SYBU: variants seen among roughly 807,000 people sequenced by gnomAD.
SYBU encodes syntabulin, also known as GOLSYN A protein.
Under a neutral mutation model 35.9 loss-of-function variants are expected in SYBU, and 21 were observed. The observed-to-expected ratio is 0.58, with a 90% CI of 0.41 to 0.84. SYBU has a LOEUF of 0.84. Ranked by LOEUF, SYBU falls within the 40% of genes least tolerant of loss-of-function variation. The pLI is 0.00. For missense variants in SYBU, 768 were observed against 848.2 expected (o/e 0.91, Z 1.17); for synonymous variants, 319 against 324.3 (o/e 0.98, Z 0.18).
At chr8:109,622,431 C>T (rs938768456) in intron 2 of SYBU, among the ~76,000 whole-genome samples, 13 of 152,192 alleles carry the variant, frequency 8.5e-5, no homozygotes, top group African/African-American at 2.6e-4. Flanking sequence ...TGGGGTTTCT[C>T]CATGTTGGCC....
At chr8:109,591,716 G>A (rs968258717) in intron 3 of SYBU, among the ~76,000 whole-genome samples, 2 of 151,264 alleles carry the variant, frequency 1.3e-5, no homozygotes, top group African/African-American at 4.9e-5. Flanking sequence ...GTTTCACCGT[G>A]TTAGCCAGGA....
chr8:109,606,770 AT>A (rs1299908563), intron 3 of SYBU, among the ~76,000 whole-genome samples: 1 of 152,232 alleles, frequency 6.6e-6, no homozygotes, highest in African/African-American at 2.4e-5. Context: ...AAAGGGTGGT[AT>A]CTTTTCACTG....
Position 109,691,236 on chromosome 8 carries a change from C to A in SYBU, c.-58+97G>T. On this transcript the variant is annotated intron_variant, in intron 1 of 7. Transcript: ENST00000422135. The surrounding 1 kb of genome is among the most constrained non-coding windows in gnomAD (Gnocchi z 4.7). ...GAAAGGGTGGTCCTGGGGTCCGGAG[C>A]GCCCCATCACTGCCCTCATTGTACC... 1 of 679,078 alleles carries A rather than the reference C, an allele frequency of 1.5e-6. No homozygotes were observed. The highest frequency in any genetic ancestry group is 2.7e-6 in the Non-Finnish European group (1 of 373,668). 42.1% of individuals were successfully genotyped at this position (679,078 alleles called of 1,614,324 possible). A position where few individuals can be genotyped will look rare whatever the true frequency, so the allele number is the denominator to read the frequency against.
intron 2 of SYBU, among the ~76,000 whole-genome samples, chr8:109,628,281 A>G (rs7825702): frequency 0.35 from 52,879 of 151,866 alleles, 11,345 homozygotes; most frequent in African/African-American, 0.6. Flanking sequence ...GGCCAAGGTG[A>G]GAGGATAGCT....
intron 2 of SYBU, among the ~76,000 whole-genome samples, chr8:109,638,742 C>T (rs762214793): frequency 2.9e-4 from 44 of 152,112 alleles, no homozygotes; most frequent in Non-Finnish European, 5.7e-4. Context: ...AAGGTCATAG[C>T]GACCAAGACT....
At position 109,627,496 on chromosome 8, in the gene SYBU, AATT is replaced by A. The variant is rs1813118754; in HGVS notation, c.230-8460_230-8458del. ...GTACTTATCATGTGGCAAACACATT[AATT>A]ATTATCATATAATTTTAATAATATG... On this transcript the variant is annotated intron_variant, in intron 2 of 6. Coordinates refer to ENST00000276646, the MANE Select transcript of SYBU (RefSeq NM_001099754.2). Among the ~76,000 whole-genome samples the A allele has an allele frequency of 2.6e-5, 4 of 152,336 alleles. No homozygotes were observed. The South Asian group carries it at 8.3e-4, about 32-fold the overall frequency.
At chr8:109,630,299 G>C (rs1813468301) in intron 2 of SYBU, among the ~76,000 whole-genome samples, 1 of 147,492 alleles carries the variant, frequency 6.8e-6, no homozygotes, top group South Asian at 2.2e-4. Context: ...GGGAGGGATA[G>C]CATTGGGAGA....
upstream of SYBU, chr8:109,645,736 A>T (rs191468644): frequency 2.5e-5 from 5 of 197,702 alleles, no homozygotes; most frequent in Non-Finnish European, 4.2e-5. Context: ...AACTCCTGGG[A>T]TCAAGGGATC....
In SYBU at chr8:109,580,000, C is replaced by G. The variant is rs1450875106; in HGVS notation, c.533G>C (p.Arg178Pro). The G allele has an allele frequency of 6.2e-7, 1 of 1,612,330 alleles. No individual in the cohort carries two copies. The highest frequency in any genetic ancestry group is 2.2e-5 in the East Asian group (1 of 44,864). ...TCCATTACTCCGCCCATGAGGACCT[C>G]GACTGGGAGAAAAGAATGAAAAATG... is the stretch of plus-strand genomic sequence containing the variant. Reference protein sequence around the residue: ...GSKRSSSSRNRGPHGRSNGAS... With the variant: ...GSKRSSSSRNPGPHGRSNGAS... The change falls in exon 5 of 7, where the codon CGA becomes CCA. Residue 178 changes from arginine (R) to proline (P), a missense_variant and splice_region_variant. Arg to Pro is a moderately radical substitution (Grantham distance 103). Coordinates refer to ENST00000276646, the MANE Select transcript of SYBU (RefSeq NM_001099754.2).
intron 2 of SYBU, among the ~76,000 whole-genome samples, chr8:109,627,480 A>G (rs1813116285): frequency 1.3e-5 from 2 of 152,198 alleles, no homozygotes; most frequent in African/African-American, 2.4e-5. Context: ...AGTACTTATC[A>G]TGTGGCAAAC....
chr8:109,645,637 T>G (rs1038908542), upstream of SYBU: 7 of 283,552 alleles, frequency 2.5e-5, no homozygotes, highest in Admixed American at 2.6e-4. Flanking sequence ...TTTTTTGTTT[T>G]TTTTTTTTTC....
intron 4 of SYBU, among the ~76,000 whole-genome samples, chr8:109,583,868 G>A (rs1379449133): frequency 6.6e-6 from 1 of 152,104 alleles, no homozygotes; most frequent in Non-Finnish European, 1.5e-5. Context: ...GAGTGCAGTG[G>A]TGCAATCTTG....
At chr8:109,603,285 C>T (rs1825737024) in intron 3 of SYBU, 3 of 422,010 alleles carry the variant, frequency 7.1e-6, no homozygotes, top group Non-Finnish European at 9.5e-6. Context: ...AACTCCCACT[C>T]ATCCTTCCAA....
upstream of SYBU, among the ~76,000 whole-genome samples, chr8:109,681,278 G>A (rs1385837146): frequency 6.6e-6 from 1 of 152,140 alleles, no homozygotes; most frequent in Admixed American, 6.6e-5. Flanking sequence ...AGTATAAAAG[G>A]AGAAAGAAAT....
intron 1 of SYBU, among the ~76,000 whole-genome samples, chr8:109,668,187 A>G (rs1045499918): frequency 6.7e-6 from 1 of 148,954 alleles, no homozygotes; most frequent in Non-Finnish European, 1.5e-5. Flanking sequence ...AGAGAGAGAG[A>G]GAGAGAGAGA....
At chr8:109,643,843 C>T (rs1815229357) in intron 1 of SYBU, among the ~76,000 whole-genome samples, 1 of 152,186 alleles carries the variant, frequency 6.6e-6, no homozygotes, top group Non-Finnish European at 1.5e-5. Context: ...TTAGGCAATT[C>T]TGCACACCAT....
chr8:109,662,487 C>A (rs16879898), intron 1 of SYBU, among the ~76,000 whole-genome samples: 2,954 of 152,298 alleles, frequency 0.019, 103 homozygotes, highest in African/African-American at 0.065. Context: ...ATGGCCACTG[C>A]TCTAGTCCCA....
At chr8:109,670,411 A>T (rs919514439) in intron 1 of SYBU, among the ~76,000 whole-genome samples, 1 of 151,784 alleles carries the variant, frequency 6.6e-6, no homozygotes, top group African/African-American at 2.4e-5. Flanking sequence ...TAAAATTTTA[A>T]CAATTAGACT....
intron 3 of SYBU, among the ~76,000 whole-genome samples, chr8:109,604,608 T>C (rs1825876371): frequency 6.6e-6 from 1 of 152,228 alleles, no homozygotes; most frequent in South Asian, 2.1e-4. Flanking sequence ...AGTTGGAGAA[T>C]CTTATCCAAA....
Sources: gnomAD v4.1 joint callset for allele counts (sites outside exome capture counted in the v4.1 genomes callset) on GRCh38, gnomAD v4.1.1 for gene constraint, Gnocchi (gnomAD v3.1) non-coding constraint, MANE v1.5 for transcripts, NCBI Gene and HGNC (gene_info 2026-07-23, HGNC 2026-07-21) for gene names.